The following DPF3 variants were observed in gnomAD, a reference collection of about 807,000 sequenced individuals.
DPF3 encodes the protein zinc finger protein DPF3.
In DPF3, 18 loss-of-function variants were observed where a neutral mutation model predicts 56.8. The observed-to-expected ratio is 0.32, with a 90% CI of 0.22 to 0.47. DPF3 has a LOEUF of 0.47. Among genes scored for constraint, DPF3 ranks in the 20% least tolerant of loss-of-function variants. DPF3 has a pLI of 1.00. For synonymous variants in DPF3, 188 were observed against 180.2 expected (o/e 1.04, Z -0.35); for missense variants, 403 against 488.8 (o/e 0.82, Z 1.65).
Position 72,618,238 on chromosome 14 carries a change from T to C in DPF3, c.*1059A>G, listed in dbSNP as rs1425062622. Among the ~76,000 whole-genome samples, 2 of 152,196 alleles carry C rather than the reference T, an allele frequency of 1.3e-5. No individual in the cohort carries two copies. Among genetic ancestry groups the C allele is most frequent in the Non-Finnish European group, 2.9e-5 (2 of 68,028 alleles). The stretch of plus-strand genomic sequence containing the variant: ...CCTAAAATTCCCAGTCAGGTCTCAG[T>C]AGACAATAGCGAACAAACACTACGT... On this transcript the variant is annotated 3_prime_UTR_variant, in exon 11 of 11. Coordinates refer to ENST00000556509, the MANE Select transcript of DPF3 (RefSeq NM_001280542.3).
intron 1 of DPF3, among the ~76,000 whole-genome samples, chr14:72,889,350 T>C (rs1599528970): frequency 6.6e-6 from 1 of 152,338 alleles, no homozygotes. Context: ...TGTGTGCTAA[T>C]GAGGTTTGGA....
chr14:72,660,244 C>T (rs1009569737), intron 8 of DPF3, among the ~76,000 whole-genome samples: 1 of 151,884 alleles, frequency 6.6e-6, no homozygotes, highest in African/African-American at 2.4e-5. Flanking sequence ...AAAAAAAAAC[C>T]CTAAGGAGGG....
intron 8 of DPF3, among the ~76,000 whole-genome samples, chr14:72,655,882 A>G (rs1240059830): frequency 6.6e-6 from 1 of 152,232 alleles, no homozygotes; most frequent in Non-Finnish European, 1.5e-5. Context: ...GGGGACCCCA[A>G]GAGGTCATCT....
chr14:72,791,180 C>T (rs904673461), intron 1 of DPF3, among the ~76,000 whole-genome samples: 2 of 152,170 alleles, frequency 1.3e-5, no homozygotes, highest in African/African-American at 4.8e-5. Context: ...CATGTGAGTC[C>T]CTGCCCGCAG....
At chr14:72,852,130 A>G (rs1043985783) in intron 1 of DPF3, among the ~76,000 whole-genome samples, 8 of 152,244 alleles carry the variant, frequency 5.3e-5, no homozygotes, top group African/African-American at 1.9e-4. Context: ...GGTTCTCCTG[A>G]GAGAGTCAAG....
intron 1 of DPF3, among the ~76,000 whole-genome samples, chr14:72,840,561 G>A (rs1884503654): frequency 6.6e-6 from 1 of 152,000 alleles, no homozygotes; most frequent in East Asian, 1.9e-4. Context: ...GTGAAGTTTT[G>A]GACAGTGTGG....
At chr14:72,687,290 G>T (rs150241916) in intron 7 of DPF3, among the ~76,000 whole-genome samples, 1 of 152,148 alleles carries the variant, frequency 6.6e-6, no homozygotes, top group Non-Finnish European at 1.5e-5. Flanking sequence ...AAAATCAGCT[G>T]GAAATACATT....
intron 6 of DPF3, among the ~76,000 whole-genome samples, chr14:72,703,591 T>G (rs1439075559): frequency 6.6e-6 from 1 of 152,238 alleles, no homozygotes; most frequent in African/African-American, 2.4e-5. Flanking sequence ...GGTAACAGAA[T>G]GCAGGTGAAC....
chr14:72,893,015 G>A (rs932687380), intron 1 of DPF3, among the ~76,000 whole-genome samples: 1 of 141,560 alleles, frequency 7.1e-6, no homozygotes, highest in African/African-American at 2.6e-5. Flanking sequence ...AAGGAAGGAA[G>A]GAAGGAAGGA....
chr14:72,715,335 G>A (rs937429392), intron 5 of DPF3, among the ~76,000 whole-genome samples: 1 of 152,168 alleles, frequency 6.6e-6, no homozygotes, highest in Non-Finnish European at 1.5e-5. Context: ...GGGCGGTGGT[G>A]ACAAGAACAC....
At chr14:72,782,662 G>A (rs1440705302) in intron 1 of DPF3, among the ~76,000 whole-genome samples, 7 of 152,056 alleles carry the variant, frequency 4.6e-5, no homozygotes, top group Non-Finnish European at 7.4e-5. Flanking sequence ...GTGAAATCCC[G>A]TCTCTACTAA....
intron 1 of DPF3, among the ~76,000 whole-genome samples, chr14:72,824,655 C>A (rs1883709969): frequency 3.3e-5 from 5 of 151,666 alleles, no homozygotes; most frequent in Admixed American, 2.0e-4. Context: ...GCAACCTCTG[C>A]CTCCCGGGTT....
At chr14:72,661,712 G>A in intron 8 of DPF3, 1 of 985,428 alleles carries the variant, frequency 1.0e-6, no homozygotes, top group Non-Finnish European at 1.2e-6. Context: ...CATCCTTCAG[G>A]TCGGCCTTCC....
At chr14:72,800,386 ATG>A (rs76460795) in intron 1 of DPF3, among the ~76,000 whole-genome samples, 116,573 of 151,572 alleles carry the variant, frequency 0.77, 48,686 homozygotes, top group East Asian at 0.99. Context: ...AAATGGATGG[ATG>A]GATGGATGGA....
intron 1 of DPF3, among the ~76,000 whole-genome samples, chr14:72,816,553 C>T (rs1791205912): frequency 6.6e-6 from 1 of 152,034 alleles, no homozygotes; most frequent in South Asian, 2.1e-4. Flanking sequence ...GCAAACCCCC[C>T]ACCTAGCTGA....
intron 1 of DPF3, among the ~76,000 whole-genome samples, chr14:72,822,066 T>C (rs915837433): frequency 2.0e-5 from 3 of 152,110 alleles, no homozygotes; most frequent in African/African-American, 7.2e-5. Flanking sequence ...ATGCTATGCA[T>C]CTGTTAAAAA....
chr14:72,880,758 G>A (rs1325340893), intron 1 of DPF3, among the ~76,000 whole-genome samples: 1 of 152,124 alleles, frequency 6.6e-6, no homozygotes, highest in Non-Finnish European at 1.5e-5. Flanking sequence ...TGCCCAGGCT[G>A]GCTCGAACTC....
chr14:72,854,476 G>C (rs1885104185), intron 1 of DPF3, among the ~76,000 whole-genome samples: 1 of 152,146 alleles, frequency 6.6e-6, no homozygotes, highest in Admixed American at 6.5e-5. Flanking sequence ...ATTTCAGTTA[G>C]AAACTCAGGA....
intron 1 of DPF3, among the ~76,000 whole-genome samples, chr14:72,804,026 G>A (rs1468070079): frequency 6.6e-6 from 1 of 152,150 alleles, no homozygotes; most frequent in Non-Finnish European, 1.5e-5. Flanking sequence ...CAGTCATGGT[G>A]ATAACCCCAG....
Sources: allele counts gnomAD v4.1 joint callset (sites outside exome capture counted in the v4.1 genomes callset), GRCh38; gene constraint gnomAD v4.1.1; transcripts MANE v1.5; gene names NCBI Gene and HGNC (gene_info 2026-07-23, HGNC 2026-07-21).